NLGN1: variants seen among roughly 807,000 people sequenced by gnomAD.
NLGN1 encodes neuroligin-1.
In NLGN1, 12 loss-of-function variants were observed where a neutral mutation model predicts 65.5. The ratio of observed to expected loss-of-function variants is 0.18; its 90% confidence interval spans 0.12 to 0.30. The LOEUF (loss-of-function observed/expected upper bound fraction) is 0.30. Among genes scored for constraint, NLGN1 ranks in the 10% least tolerant of loss-of-function variants. The pLI is 1.00. For missense variants in NLGN1, 750 were observed against 1,007.1 expected, an observed-to-expected ratio of 0.74 and a Z score of 3.46; for synonymous variants, 350 against 359.5, an observed-to-expected ratio of 0.97 and a Z score of 0.30.
chr3:174,160,530 A>G (rs6763078), intron 4 of NLGN1, among the ~76,000 whole-genome samples: 14,055 of 151,686 alleles, frequency 0.093, 1,292 homozygotes, highest in African/African-American at 0.24. Context: ...TTCAGTTGCT[A>G]ACATCTCATT....
intron 3 of NLGN1, among the ~76,000 whole-genome samples, chr3:173,799,918 G>C (rs1451384326): frequency 6.6e-6 from 1 of 150,976 alleles, no homozygotes; most frequent in Admixed American, 6.6e-5. Flanking sequence ...TTTTAATGTT[G>C]CCACCAATTT....
chr3:173,828,211 G>A (rs1186294566), intron 4 of NLGN1, among the ~76,000 whole-genome samples: 1 of 152,032 alleles, frequency 6.6e-6, no homozygotes, highest in Non-Finnish European at 1.5e-5. Context: ...AATTTGAGTT[G>A]CTGTCACATC....
intron 4 of NLGN1, among the ~76,000 whole-genome samples, chr3:174,117,149 CT>C (rs1352379002): frequency 6.6e-6 from 1 of 151,512 alleles, no homozygotes; most frequent in African/African-American, 2.4e-5. Flanking sequence ...ATATTTTTAA[CT>C]TTATAGCCTA....
chr3:174,187,304 C>T (rs1731588677), intron 4 of NLGN1, among the ~76,000 whole-genome samples: 1 of 151,876 alleles, frequency 6.6e-6, no homozygotes, highest in Admixed American at 6.6e-5. Context: ...AATACATTAA[C>T]CTCTCTGTGC....
At chr3:173,595,032 C>T (rs968833750) in intron 2 of NLGN1, among the ~76,000 whole-genome samples, 1 of 152,214 alleles carries the variant, frequency 6.6e-6, no homozygotes, top group African/African-American at 2.4e-5. Flanking sequence ...GGAGGGGCTG[C>T]TGTGAAGACC....
chr3:173,735,442 G>T (rs1773593340), intron 3 of NLGN1, among the ~76,000 whole-genome samples: 1 of 152,072 alleles, frequency 6.6e-6, no homozygotes, highest in African/African-American at 2.4e-5. Context: ...TCACATTTCA[G>T]ACTGCTGCAA....
intron 3 of NLGN1, among the ~76,000 whole-genome samples, chr3:173,701,149 T>C (rs996007171): frequency 6.6e-6 from 1 of 151,574 alleles, no homozygotes; most frequent in African/African-American, 2.4e-5. Flanking sequence ...TGCCGGAAAA[T>C]GCTGTTGAAG....
intron 4 of NLGN1, among the ~76,000 whole-genome samples, chr3:174,045,047 T>A (rs1733252756): frequency 6.6e-6 from 1 of 152,122 alleles, no homozygotes; most frequent in South Asian, 2.1e-4. Flanking sequence ...TATAGCAGCA[T>A]GAGAATGGAC....
At chr3:173,747,439 A>C (rs551729290) in intron 3 of NLGN1, among the ~76,000 whole-genome samples, 1 of 148,862 alleles carries the variant, frequency 6.7e-6, no homozygotes, top group African/African-American at 2.4e-5. Context: ...AGAGCCTGGC[A>C]CATATTTAGA....
chr3:174,104,656 ATTG>A (rs1713321757), intron 4 of NLGN1, among the ~76,000 whole-genome samples: 1 of 152,202 alleles, frequency 6.6e-6, no homozygotes, highest in Non-Finnish European at 1.5e-5. Flanking sequence ...ATTTTGTTGT[ATTG>A]TTCTAACTCG....
upstream of NLGN1, among the ~76,000 whole-genome samples, chr3:173,397,413 C>A (rs1185618383): frequency 6.6e-6 from 1 of 151,346 alleles, no homozygotes; most frequent in Non-Finnish European, 1.5e-5. Context: ...GATGTGGGAA[C>A]TTCCCCTCAT....
chr3:173,408,836 C>T (rs149020744), intron 1 of NLGN1, among the ~76,000 whole-genome samples: 3,440 of 149,652 alleles, frequency 0.023, 108 homozygotes, highest in African/African-American at 0.077. Flanking sequence ...GGTGTGAACC[C>T]GGGAGGCTGA....
chr3:174,022,584 C>T (rs1440195850), intron 4 of NLGN1, among the ~76,000 whole-genome samples: 4 of 152,122 alleles, frequency 2.6e-5, no homozygotes, highest in Non-Finnish European at 5.9e-5. Flanking sequence ...ATACATACGC[C>T]AACAGGCATA....
chr3:173,413,101 C>A (rs1712936633), intron 1 of NLGN1, among the ~76,000 whole-genome samples: 1 of 152,038 alleles, frequency 6.6e-6, no homozygotes, highest in Admixed American at 6.6e-5. Flanking sequence ...CCCTAGCCAA[C>A]ATGCTTCCCT....
At chr3:174,246,410 T>C (rs1341541764) in intron 4 of NLGN1, among the ~76,000 whole-genome samples, 1 of 152,152 alleles carries the variant, frequency 6.6e-6, no homozygotes, top group Non-Finnish European at 1.5e-5. Flanking sequence ...CTTACTAGGA[T>C]GACCCTAATT....
chr3:174,200,264 A>G (rs1734187734), intron 4 of NLGN1, among the ~76,000 whole-genome samples: 1 of 152,216 alleles, frequency 6.6e-6, no homozygotes, highest in South Asian at 2.1e-4. Context: ...CTAGCACATA[A>G]TAGGCAATGA....
chr3:173,539,752 A>AAC (rs1365533692), intron 2 of NLGN1, among the ~76,000 whole-genome samples: 5 of 114,192 alleles, frequency 4.4e-5, no homozygotes, highest in South Asian at 5.2e-4. Flanking sequence ...GTACATATAT[A>AAC]ACATATACAT....
chr3:173,467,807 T>G (rs1724631296), intron 2 of NLGN1, among the ~76,000 whole-genome samples: 1 of 152,154 alleles, frequency 6.6e-6, no homozygotes, highest in Non-Finnish European at 1.5e-5. Flanking sequence ...TGCAGTCCTT[T>G]AGAGATCAAG....
chr3:173,539,852 T>A (rs2149223315), intron 2 of NLGN1, among the ~76,000 whole-genome samples: 1 of 138,536 alleles, frequency 7.2e-6, no homozygotes, highest in African/African-American at 2.5e-5. Flanking sequence ...ATATATTATA[T>A]GTTATGTATG....
Sources: allele counts gnomAD v4.1 joint callset (sites outside exome capture counted in the v4.1 genomes callset), GRCh38; gene constraint gnomAD v4.1.1; transcripts MANE v1.5; gene names NCBI Gene and HGNC (gene_info 2026-07-23, HGNC 2026-07-21).